The following SLC18A2 variants were observed in gnomAD, a reference collection of about 807,000 sequenced individuals.
The protein encoded by SLC18A2 is solute carrier family 18 member A2.
Under a neutral mutation model 59.2 loss-of-function variants are expected in SLC18A2, and 33 were observed. The observed-to-expected ratio is 0.56, with a 90% CI of 0.42 to 0.75. The LOEUF (loss-of-function observed/expected upper bound fraction) is 0.75, where lower values mean the gene tolerates loss of function less well. SLC18A2 is among the 30% of genes least tolerant of loss of function. The pLI is 0.00. For missense variants in SLC18A2, 569 were observed against 668.6 expected, an observed-to-expected ratio of 0.85 and a Z score of 1.64; for synonymous variants, 228 against 253.5, an observed-to-expected ratio of 0.90 and a Z score of 0.95.
chr10:117,257,095 C>T (rs1480319757), intron 9 of SLC18A2, among the ~76,000 whole-genome samples: 1 of 152,170 alleles, frequency 6.6e-6, no homozygotes, highest in Non-Finnish European at 1.5e-5. Flanking sequence ...ATATGTGCAC[C>T]TTCATCACGA....
chr10:117,271,256 G>T (rs1421261329), intron 15 of SLC18A2, among the ~76,000 whole-genome samples: 1 of 152,192 alleles, frequency 6.6e-6, no homozygotes, highest in African/African-American at 2.4e-5. Flanking sequence ...GATGAATGAG[G>T]TGAACAAGAG....
At position 117,243,305 on chromosome 10, in the gene SLC18A2, C is replaced by T. The variant is rs370433205; in HGVS notation, c.122-666C>T. 3.3e-5 allele frequency among the ~76,000 whole-genome samples: 5 copies of T among 152,338 alleles called. No individual in the cohort carries two copies. In the East Asian group the frequency reaches 9.6e-4, roughly 29 times the overall value. ...AGGTCAGCACTCTCTTAACGTCAGGCCACATTTTGCTTTTCTGAAATATTC... is the reference window on the plus strand; with the variant it reads ...AGGTCAGCACTCTCTTAACGTCAGGTCACATTTTGCTTTTCTGAAATATTC... On this transcript the variant is annotated intron_variant, in intron 2 of 15. Transcript: ENST00000644641.
At position 117,241,805 on chromosome 10, in the gene SLC18A2, A is replaced by G; in HGVS notation, c.112A>G (p.Thr38Ala). 4 of 1,606,826 alleles carry G rather than the reference A, an allele frequency of 2.5e-6. No individual in the cohort carries two copies. The highest frequency in any genetic ancestry group is 3.4e-6 in the Non-Finnish European group (4 of 1,177,388). ...LALLLDNMLL[T>A]VVVPIIPSYL... ...GCTGCTGCTGGACAACATGCTGCTC[A>G]CTGTCGTGGGTACGTGCGGACAGGG... Residue 38 changes from threonine to alanine, a missense_variant, in exon 2 of 16, where the codon ACT becomes GCT. Physicochemically the swap from Thr to Ala is moderately conservative, Grantham distance 58. Transcript: ENST00000644641.
chr10:117,277,217 A>T lies in SLC18A2; in HGVS notation c.1496A>T (p.Asn499Ile), dbSNP rs761134443. The change falls in exon 16 of 16, where the codon AAT (asparagine) becomes ATT (isoleucine). Residue 499 changes from asparagine (N) to isoleucine (I), a missense_variant. Asn to Ile is a moderately radical substitution (Grantham distance 149). Coordinates refer to ENST00000644641, the MANE Select transcript of SLC18A2 (RefSeq NM_003054.6). Reference protein sequence around the residue: ...PIKTKMYTQNNIQSYPIGEDE... With the variant: ...PIKTKMYTQNIIQSYPIGEDE... ...AAAACAAAAATGTACACTCAGAATA[A>T]TATCCAGTCATATCCGATAGGTGAA... 6.2e-7 allele frequency: 1 copy of T among 1,611,736 alleles called. No individual in the cohort carries two copies. Among genetic ancestry groups the T allele is most frequent in the Non-Finnish European group, 8.5e-7 (1 of 1,178,462 alleles).
chr10:117,276,630 A>AAAAAG (rs1445853665), intron 15 of SLC18A2, among the ~76,000 whole-genome samples: 1 of 22,310 alleles, frequency 4.5e-5, no homozygotes, highest in African/African-American at 1.1e-4. Context: ...AAAAAAAAAA[A>AAAAAG]AAAGAAAGAA....
chr10:117,258,547 T>C (rs1235392717), intron 10 of SLC18A2, among the ~76,000 whole-genome samples: 1 of 145,242 alleles, frequency 6.9e-6, no homozygotes, highest in Non-Finnish European at 1.5e-5. Flanking sequence ...ACAAGTAGAT[T>C]TACTTTTTAA....
At chr10:117,256,323 G>A (rs74159134) in intron 9 of SLC18A2, among the ~76,000 whole-genome samples, 8 of 152,282 alleles carry the variant, frequency 5.3e-5, no homozygotes, top group African/African-American at 1.2e-4. Flanking sequence ...GCCAGGCCCC[G>A]GGCTGCCTAA....
chr10:117,255,509 G>A lies in SLC18A2; in HGVS notation c.821G>A (p.Arg274Gln), dbSNP rs780542106. The A allele has an allele frequency of 5.0e-6, 8 of 1,614,036 alleles. No individual in the cohort carries two copies. Among genetic ancestry groups the A allele is most frequent in the Middle Eastern group, 3.3e-4 (2 of 6,052 alleles). The change falls in exon 8 of 16, where the codon CGG (arginine) becomes CAG (glutamine). Residue 274 changes from arginine to glutamine, a missense_variant. Transcript: ENST00000644641. ...CAGCTCTTTGTGCTCCAGCCGTCCC[G>A]GGTGCAGCCAGAGGTAAGCGGCTGG... The part of the protein sequence containing the change: ...AIQLFVLQPS[R>Q]VQPESQKGTP...
chr10:117,259,405 C>T (rs1364498251), intron 10 of SLC18A2, among the ~76,000 whole-genome samples: 1 of 152,138 alleles, frequency 6.6e-6, no homozygotes, highest in Non-Finnish European at 1.5e-5. Context: ...GTCTAGACTT[C>T]CTTCCCCATC....
At chr10:117,259,310 A>G (rs1231343966) in intron 10 of SLC18A2, among the ~76,000 whole-genome samples, 1 of 152,244 alleles carries the variant, frequency 6.6e-6, no homozygotes, top group African/African-American at 2.4e-5. Context: ...GCAAAGATGA[A>G]AAATTCTCCA....
chr10:117,271,500 A>G (rs1844425544), intron 15 of SLC18A2, among the ~76,000 whole-genome samples: 2 of 152,226 alleles, frequency 1.3e-5, no homozygotes, highest in South Asian at 4.1e-4. Context: ...TTCATTCCAC[A>G]TATTTTAAAA....
rs1182091334 is a variant in SLC18A2, at chr10:117,266,727, T to C, written c.992-6T>C. On this transcript the variant is annotated splice_region_variant and splice_polypyrimidine_tract_variant and intron_variant, in intron 10 of 15. Transcript: ENST00000644641. The stretch of plus-strand genomic sequence containing the variant: ...CTGATAAGGTCTCCTTTTCATAAAT[T>C]TACAGGCGTTGCCTTCTTGCCAGCT... 5.0e-6 allele frequency: 8 copies of C among 1,610,334 alleles called. No homozygotes were observed. In the Middle Eastern group the frequency reaches 6.6e-4, roughly 133 times the overall value.
intron 2 of SLC18A2, chr10:117,242,059 G>T: frequency 2.6e-6 from 1 of 377,818 alleles, no homozygotes; most frequent in Non-Finnish European, 4.7e-6. Flanking sequence ...CAGAACTTAT[G>T]TTTCCCCCTG....
chr10:117,254,218 G>T, intron 5 of SLC18A2, 87 bp downstream of exon 5: 1 of 1,406,540 alleles, frequency 7.1e-7, no homozygotes, highest in Admixed American at 1.7e-5. Flanking sequence ...ATTGGTGGTG[G>T]TTGGGGTGCT....
rs62637241 is a variant in SLC18A2 at position 117,269,170 on chromosome 10, T to C, written c.1187-901T>C. On this transcript the variant is annotated intron_variant, in intron 13 of 15. Coordinates refer to ENST00000644641, the MANE Select transcript of SLC18A2 (RefSeq NM_003054.6). This position sits in a 1 kb window ranked among gnomAD's most constrained non-coding sequence, Gnocchi z 5.1. ...ACATACATATGCACACATACACACA[T>C]ACATATACACACATACACACACACC... Among the ~76,000 whole-genome samples, 795 of 88,540 alleles carry C rather than the reference T, an allele frequency of 9.0e-3. 2 individuals carry two copies. The highest frequency in any genetic ancestry group is 0.027 in the South Asian group (76 of 2,828). 58.1% of individuals were successfully genotyped at this position (88,540 alleles called of 152,430 possible). A position where few individuals can be genotyped will look rare whatever the true frequency, so the allele number is the denominator to read the frequency against.
At chr10:117,254,545 G>A (rs912280595) in intron 6 of SLC18A2, 48 bp downstream of exon 6, 5 of 1,396,494 alleles carry the variant, frequency 3.6e-6, no homozygotes, top group Admixed American at 2.1e-5. Flanking sequence ...GGCCTGCCTG[G>A]TGCTGGACAG....
intron 10 of SLC18A2, among the ~76,000 whole-genome samples, chr10:117,262,815 G>A (rs563978404): frequency 3.5e-4 from 53 of 152,260 alleles, no homozygotes; most frequent in South Asian, 1.2e-3. Flanking sequence ...GATTACAGGC[G>A]TGAACTGGGT....
chr10:117,261,796 G>A (rs1326371307), intron 10 of SLC18A2, among the ~76,000 whole-genome samples: 1 of 152,210 alleles, frequency 6.6e-6, no homozygotes, highest in African/African-American at 2.4e-5. Context: ...CTGCTAATGG[G>A]GTGTGAGGTT....
At chr10:117,277,018 G>A (rs928129866) in intron 15 of SLC18A2, 144 bp from the exon 16 acceptor site, 80 of 514,938 alleles carry the variant, frequency 1.6e-4, no homozygotes, top group Non-Finnish European at 2.2e-4. Flanking sequence ...TAGGTCAGGC[G>A]TCTGGCGATT....
Sources: allele counts gnomAD v4.1 joint callset (sites outside exome capture counted in the v4.1 genomes callset), GRCh38; gene constraint gnomAD v4.1.1; non-coding constraint Gnocchi (gnomAD v3.1); transcripts MANE v1.5; gene names NCBI Gene and HGNC (gene_info 2026-07-23, HGNC 2026-07-21).